LSAMP: variants seen among roughly 807,000 people sequenced by gnomAD.
LSAMP encodes the protein limbic system-associated membrane protein.
In LSAMP, 7 loss-of-function variants were observed where a neutral mutation model predicts 38.6. The ratio of observed to expected loss-of-function variants is 0.18; its 90% CI spans 0.10 to 0.34. The LOEUF is 0.34. Ranked by LOEUF, LSAMP falls within the 10% of genes least tolerant of loss-of-function variation. The pLI, the probability that LSAMP is intolerant of heterozygous loss-of-function variation, is 1.00. For missense variants in LSAMP, 313 were observed against 420.0 expected (o/e 0.75, Z 2.23); for synonymous variants, 154 against 166.8 (o/e 0.92, Z 0.59).
At position 116,023,969 on chromosome 3, in the gene LSAMP, C is replaced by G. The variant is rs559545190; in HGVS notation, c.389-4329G>C. On this transcript the variant is annotated intron_variant, in intron 2 of 6. Coordinates refer to ENST00000490035, the MANE Select transcript of LSAMP (RefSeq NM_002338.5). Reference sequence around the variant, plus strand: ...TTTCAACTCTTCATGCAATTACCCTCTTTCCCCTTTCAAATTTCAGCTCAT... The same window carrying G: ...TTTCAACTCTTCATGCAATTACCCTGTTTCCCCTTTCAAATTTCAGCTCAT... 5.9e-5 allele frequency among the ~76,000 whole-genome samples: 9 copies of G among 152,296 alleles called. No individual in the cohort carries two copies. The East Asian group carries it at 1.7e-3, about 29-fold the overall frequency.
rs948764400 is a variant in LSAMP, at chr3:116,221,013, C to T, written c.156-134457G>A. 4.0e-5 allele frequency among the ~76,000 whole-genome samples: 6 copies of T among 151,762 alleles called. No homozygotes were observed. The South Asian group carries it at 6.2e-4, about 16-fold the overall frequency. ...ACTAAAAATACAAAAATTAGCCCGG[C>T]GTGGTGGCGGGCGCCTGTAGTCCCA... On this transcript the variant is annotated intron_variant, in intron 1 of 6. Transcript: ENST00000490035.
Position 116,445,374 on chromosome 3 carries a change from A to T in LSAMP, c.-343T>A. 54 of 346,890 alleles carry T rather than the reference A, an allele frequency of 1.6e-4. No individual in the cohort carries two copies. The highest frequency in any genetic ancestry group is 1.8e-4 in the Non-Finnish European group (33 of 188,516). 21.5% of individuals were successfully genotyped at this position (346,890 alleles called of 1,614,324 possible). ...CTCTGTGACTGGATGCTCCTCTGCC[A>T]GTGTCTGAGCTGAGCTCCTTCGCTC... is the stretch of plus-strand genomic sequence containing the variant. On this transcript the variant is annotated 5_prime_UTR_variant, in exon 1 of 7. Transcript: ENST00000490035.
intron 1 of LSAMP, among the ~76,000 whole-genome samples, chr3:116,332,862 T>C (rs891745369): frequency 6.6e-6 from 1 of 151,920 alleles, no homozygotes; most frequent in Non-Finnish European, 1.5e-5. Context: ...TCAGACAAAA[T>C]GAACTTAAAA....
chr3:115,878,872 T>A (rs1352243689), intron 3 of LSAMP, among the ~76,000 whole-genome samples: 1 of 152,122 alleles, frequency 6.6e-6, no homozygotes, highest in Non-Finnish European at 1.5e-5. Flanking sequence ...GTATGGCAGC[T>A]ATAAAGGATA....
chr3:115,939,100 G>A (rs2107554398), intron 3 of LSAMP, among the ~76,000 whole-genome samples: 1 of 152,234 alleles, frequency 6.6e-6, no homozygotes, highest in South Asian at 2.1e-4. Context: ...GTCATAAAAT[G>A]ACTTGTTACC....
At position 115,928,187 on chromosome 3, in the gene LSAMP, GA is replaced by G. The variant is rs367722165; in HGVS notation, c.515-75571del. On this transcript the variant is annotated intron_variant, in intron 3 of 6. Coordinates refer to ENST00000490035, the MANE Select transcript of LSAMP (RefSeq NM_002338.5). ...TTCATTAAATAACACTAATTCAAAT[GA>G]AAAAACCTGGGAATCTCTGGTCTTT... Among the ~76,000 whole-genome samples the G allele has an allele frequency of 1.5e-3, 228 of 152,210 alleles. 2 individuals are homozygous for G. Among genetic ancestry groups the G allele is most frequent in the African/African-American group, 5.2e-3 (218 of 41,558 alleles).
chr3:115,942,575 C>G (rs1221216521), intron 3 of LSAMP, among the ~76,000 whole-genome samples: 1 of 152,222 alleles, frequency 6.6e-6, no homozygotes, highest in Admixed American at 6.5e-5. Context: ...GTTTCATTCA[C>G]ATATTTTTTG....
intron 2 of LSAMP, among the ~76,000 whole-genome samples, chr3:116,043,599 C>A (rs1941221199): frequency 6.6e-6 from 1 of 152,148 alleles, no homozygotes; most frequent in African/African-American, 2.4e-5. Flanking sequence ...AGCAGACCTG[C>A]CAATAAGACC....
At chr3:115,967,934 C>G (rs2107605793) in intron 3 of LSAMP, among the ~76,000 whole-genome samples, 1 of 152,202 alleles carries the variant, frequency 6.6e-6, no homozygotes, top group Admixed American at 6.5e-5. Context: ...ACATCACCTC[C>G]CTTTTTCCCA....
chr3:115,879,920 T>C (rs1413339569), intron 3 of LSAMP, among the ~76,000 whole-genome samples: 1 of 152,154 alleles, frequency 6.6e-6, no homozygotes, highest in Non-Finnish European at 1.5e-5. Flanking sequence ...AATGTTAGCA[T>C]AAAACATAAG....
At chr3:116,312,501 A>G (rs568538497) in intron 1 of LSAMP, among the ~76,000 whole-genome samples, 1 of 150,506 alleles carries the variant, frequency 6.6e-6, no homozygotes, top group Non-Finnish European at 1.5e-5. Context: ...TGAGTTATTT[A>G]CTCTCCCCAT....
At chr3:116,388,177 G>A (rs2048648474) in intron 1 of LSAMP, among the ~76,000 whole-genome samples, 1 of 152,092 alleles carries the variant, frequency 6.6e-6, no homozygotes, top group African/African-American at 2.4e-5. Flanking sequence ...AAATATCACA[G>A]AAGCATGAAG....
At chr3:116,063,180 A>G (rs1046305552) in intron 2 of LSAMP, among the ~76,000 whole-genome samples, 3 of 152,160 alleles carry the variant, frequency 2.0e-5, no homozygotes, top group African/African-American at 7.2e-5. Context: ...TTTGAAGACC[A>G]AATCTGGATA....
At chr3:116,437,894 A>T (rs1266208233) in intron 1 of LSAMP, among the ~76,000 whole-genome samples, 1 of 152,262 alleles carries the variant, frequency 6.6e-6, no homozygotes, top group Non-Finnish European at 1.5e-5. Flanking sequence ...CTCAGTTAAA[A>T]CACTTTAAAA....
At chr3:116,040,815 G>A (rs1941154684) in intron 2 of LSAMP, among the ~76,000 whole-genome samples, 1 of 152,096 alleles carries the variant, frequency 6.6e-6, no homozygotes, top group African/African-American at 2.4e-5. Flanking sequence ...AGTGGCTCAT[G>A]CCTGCTGCAG....
intron 6 of LSAMP, among the ~76,000 whole-genome samples, chr3:115,829,627 T>C (rs535439876): frequency 6.6e-6 from 1 of 152,336 alleles, no homozygotes; most frequent in Admixed American, 6.5e-5. Context: ...AGTCATGTGG[T>C]ACTGTGTATG....
At chr3:116,431,097 C>T (rs886595938) in intron 1 of LSAMP, among the ~76,000 whole-genome samples, 3 of 152,012 alleles carry the variant, frequency 2.0e-5, no homozygotes, top group Admixed American at 2.0e-4. Context: ...GTCTCATACA[C>T]ATGATGGAAA....
chr3:116,371,492 A>C (rs1345634283), intron 1 of LSAMP, among the ~76,000 whole-genome samples: 6 of 152,128 alleles, frequency 3.9e-5, no homozygotes, highest in Non-Finnish European at 8.8e-5. Context: ...ACATCCTTTT[A>C]CAACAAAAAC....
intron 1 of LSAMP, among the ~76,000 whole-genome samples, chr3:116,387,834 C>T (rs2048644514): frequency 6.6e-6 from 1 of 152,076 alleles, no homozygotes; most frequent in South Asian, 2.1e-4. Flanking sequence ...TATCTCACGC[C>T]TGTAATCCCA....
Sources: gnomAD v4.1 joint callset for allele counts (sites outside exome capture counted in the v4.1 genomes callset) on GRCh38, gnomAD v4.1.1 for gene constraint, MANE v1.5 for transcripts, NCBI Gene and HGNC (gene_info 2026-07-23, HGNC 2026-07-21) for gene names.